Variants in CNTLN observed in about 807,000 individuals in gnomAD.
The protein encoded by CNTLN is centlein.
CNTLN carries 212 observed loss-of-function variants against 180.0 expected under a neutral mutation model. The observed-to-expected ratio is 1.18, with a 90% CI of 1.05 to 1.32. The LOEUF (loss-of-function observed/expected upper bound fraction) is 1.32, where lower values mean the gene tolerates loss of function less well. Among genes scored for constraint, CNTLN ranks in the 40% most tolerant of loss-of-function variants. The pLI is 0.00. For synonymous variants in CNTLN, 722 were observed against 563.1 expected, an observed-to-expected ratio of 1.28 and a Z score of -3.99; for missense variants, 2,095 against 1,610.9, an observed-to-expected ratio of 1.30 and a Z score of -5.14.
At chr9:17,466,297 T>G (rs1028097984) in intron 22 of CNTLN, among the ~76,000 whole-genome samples, 179 bp downstream of exon 22, 1 of 151,456 alleles carries the variant, frequency 6.6e-6, no homozygotes, top group African/African-American at 2.4e-5. Flanking sequence ...ATTAAAGATA[T>G]TTCTGTATTA....
At chr9:17,193,291 C>A (rs1479603277) in intron 2 of CNTLN, among the ~76,000 whole-genome samples, 1 of 152,148 alleles carries the variant, frequency 6.6e-6, no homozygotes, top group East Asian at 1.9e-4. Flanking sequence ...TCAGCATTAA[C>A]CCAAAAGTCC....
rs145639950 is a variant in CNTLN at position 17,203,287 on chromosome 9, C to T, written c.450-22916C>T. ...CTTAACATTTTTTCCTTCATTTCAA[C>T]GTTGGAGAATCTGACGGTTATGTGT... On this transcript the variant is annotated intron_variant, in intron 2 of 25. Transcript: ENST00000380647. Among the ~76,000 whole-genome samples the T allele has an allele frequency of 5.2e-3, 791 of 152,228 alleles. 2 individuals are homozygous for T. The highest frequency in any genetic ancestry group is 0.014 in the African/African-American group (588 of 41,544).
intron 6 of CNTLN, among the ~76,000 whole-genome samples, chr9:17,290,831 C>G (rs552295437): frequency 6.6e-5 from 10 of 152,246 alleles, no homozygotes; most frequent in Non-Finnish European, 1.5e-4. Flanking sequence ...ATCCCTCGCG[C>G]TTCCCAGGTG....
At chr9:17,180,275 A>G (rs1587030640) in intron 2 of CNTLN, among the ~76,000 whole-genome samples, 1 of 141,042 alleles carries the variant, frequency 7.1e-6, no homozygotes, top group Non-Finnish European at 1.5e-5. Context: ...CGCATTTTAG[A>G]ATTTCATTTT....
the CNTLN span, among the ~76,000 whole-genome samples, chr9:17,519,446 A>G: frequency 1.3e-5 from 2 of 152,166 alleles, no homozygotes; most frequent in Non-Finnish European, 2.9e-5. Context: ...TCTTGTTTAA[A>G]ACTTAACTTC....
chr9:17,443,789 G>A (rs1446759374), intron 18 of CNTLN, among the ~76,000 whole-genome samples: 1 of 152,176 alleles, frequency 6.6e-6, no homozygotes, highest in Non-Finnish European at 1.5e-5. Context: ...TTTGCAGCAA[G>A]ATCTTAAGTT....
At chr9:17,270,947 CTTTTT>C (rs78896738) in intron 5 of CNTLN, among the ~76,000 whole-genome samples, 4 of 122,156 alleles carry the variant, frequency 3.3e-5, no homozygotes, top group Non-Finnish European at 5.0e-5. Flanking sequence ...GAGAGGAGTT[CTTTTT>C]TTTTTTTTTT....
intron 5 of CNTLN, among the ~76,000 whole-genome samples, chr9:17,263,130 G>C (rs1281481130): frequency 6.7e-6 from 1 of 150,138 alleles, no homozygotes; most frequent in Non-Finnish European, 1.5e-5. Context: ...CCATGTTGGT[G>C]TGCTGCACCC....
chr9:17,454,410 G>C lies in CNTLN; in HGVS notation c.3115-3114G>C, dbSNP rs147078571. ...CGGATTGCACTGCTGCGGATATAGA[G>C]TCAGAGGAGCATATCTGCCTTCAAT... On this transcript the variant is annotated intron_variant, in intron 18 of 25. Coordinates refer to ENST00000380647, the MANE Select transcript of CNTLN (RefSeq NM_017738.4). Among the ~76,000 whole-genome samples the C allele has an allele frequency of 1.2e-4, 19 of 152,302 alleles. No individual in the cohort carries two copies. In the East Asian group the frequency reaches 3.7e-3, roughly 29 times the overall value.
chr9:17,315,561 T>C (rs1228843934), intron 8 of CNTLN, among the ~76,000 whole-genome samples: 1 of 152,110 alleles, frequency 6.6e-6, no homozygotes, highest in East Asian at 1.9e-4. Flanking sequence ...TCTTCAAATA[T>C]GACTTCTGCA....
intron 2 of CNTLN, among the ~76,000 whole-genome samples, chr9:17,196,213 G>T (rs914911832): frequency 6.6e-6 from 1 of 151,972 alleles, no homozygotes; most frequent in Non-Finnish European, 1.5e-5. Flanking sequence ...TGAGAGGCAC[G>T]GGGTTTCATC....
At chr9:17,273,938 T>A in intron 6 of CNTLN, 72 bp downstream of exon 6, 1 of 1,108,964 alleles carries the variant, frequency 9.0e-7, no homozygotes, top group Non-Finnish European at 1.3e-6. Context: ...CCATTTATAC[T>A]TATTACTAAC....
chr9:17,466,685 A>T (rs1831768805), intron 22 of CNTLN, 21 bp from the exon 23 acceptor site: 2 of 1,585,468 alleles, frequency 1.3e-6, no homozygotes, highest in South Asian at 1.2e-5. Flanking sequence ...CTTTTATTTT[A>T]TGACTGCTGA....
intron 8 of CNTLN, among the ~76,000 whole-genome samples, chr9:17,325,735 C>G (rs906362799): frequency 1.3e-5 from 2 of 151,814 alleles, no homozygotes; most frequent in Non-Finnish European, 2.9e-5. Context: ...TTTCTTAAAA[C>G]AAGTGAGATA....
chr9:17,481,758 G>A lies in CNTLN; in HGVS notation c.3856-2537G>A, dbSNP rs116817249. On this transcript the variant is annotated intron_variant, in intron 23 of 25. Coordinates refer to ENST00000380647, the MANE Select transcript of CNTLN (RefSeq NM_017738.4). ...GCATAGCCTGTGATCCTGCCCAACA[G>A]GAAGCAATTCTAGAGCCTAGCCAGC... Among the ~76,000 whole-genome samples the A allele has an allele frequency of 9.1e-3, 1,385 of 152,300 alleles. 16 individuals are homozygous for A. The highest frequency in any genetic ancestry group is 0.032 in the African/African-American group (1,321 of 41,564).
rs983519270 is a variant in CNTLN, at chr9:17,388,407, TA to T, written c.2079+162del. Among the ~76,000 whole-genome samples, 13 of 151,968 alleles carry T rather than the reference TA, an allele frequency of 8.6e-5. No individual in the cohort carries two copies. The South Asian group carries it at 1.0e-3, about 12-fold the overall frequency. On this transcript the variant is annotated intron_variant, in intron 14 of 25. Coordinates refer to ENST00000380647, the MANE Select transcript of CNTLN (RefSeq NM_017738.4). ...AAATCATTGGCTTGCCAAAATGGGG[TA>T]AAAAAAATCAATGTTAGTGAAATAA...
intron 2 of CNTLN, among the ~76,000 whole-genome samples, chr9:17,159,210 T>C (rs554291419): frequency 6.6e-6 from 1 of 152,320 alleles, no homozygotes; most frequent in South Asian, 2.1e-4. Flanking sequence ...GCCAAGCATA[T>C]GGTCTATCCT....
intron 25 of CNTLN, among the ~76,000 whole-genome samples, chr9:17,492,719 G>A (rs966444226): frequency 3.3e-5 from 5 of 152,154 alleles, no homozygotes; most frequent in Non-Finnish European, 5.9e-5. Context: ...ATATTATCCA[G>A]TAATTCTGCC....
chr9:17,174,024 G>A (rs999415340), intron 2 of CNTLN, among the ~76,000 whole-genome samples: 6 of 152,168 alleles, frequency 3.9e-5, no homozygotes, highest in South Asian at 2.1e-4. Flanking sequence ...AATCCTGGCA[G>A]CTGCTTATTT....
Sources: allele counts gnomAD v4.1 joint callset (sites outside exome capture counted in the v4.1 genomes callset), GRCh38; gene constraint gnomAD v4.1.1; transcripts MANE v1.5; gene names NCBI Gene and HGNC (gene_info 2026-07-23, HGNC 2026-07-21).